The following ZNF804B variants were observed in gnomAD, a reference collection of about 807,000 sequenced individuals.
ZNF804B encodes the protein zinc finger protein 804B.
Under a neutral mutation model 101.4 loss-of-function variants are expected in ZNF804B, and 80 were observed. That is an observed-to-expected ratio of 0.79 (90% CI 0.66 to 0.95). The LOEUF (loss-of-function observed/expected upper bound fraction) is 0.95. ZNF804B is among the 40% of genes least tolerant of loss of function. The pLI is 0.00. For missense variants in ZNF804B, 1,673 were observed against 1,561.9 expected, an observed-to-expected ratio of 1.07 and a Z score of -1.20; for synonymous variants, 622 against 558.8, an observed-to-expected ratio of 1.11 and a Z score of -1.59.
At chr7:88,880,677 A>C in intron 1 of ZNF804B, among the ~76,000 whole-genome samples, 1 of 152,162 alleles carries the variant, frequency 6.6e-6, no homozygotes, top group East Asian at 1.9e-4. Flanking sequence ...AAGGGAAGAC[A>C]CTGGGCAGGA....
At chr7:89,019,928 TATA>T (rs1289790267) in intron 1 of ZNF804B, among the ~76,000 whole-genome samples, 1 of 151,956 alleles carries the variant, frequency 6.6e-6, no homozygotes, top group Non-Finnish European at 1.5e-5. Flanking sequence ...ATTGTGGAAA[TATA>T]ATCAATTTAT....
chr7:89,276,169 C>T (rs1023595274), intron 2 of ZNF804B, among the ~76,000 whole-genome samples: 3 of 151,626 alleles, frequency 2.0e-5, no homozygotes, highest in South Asian at 4.2e-4. Context: ...TGGCCTGTGG[C>T]AAGGGTGTGA....
At chr7:89,216,231 C>G (rs1172284111) in intron 1 of ZNF804B, among the ~76,000 whole-genome samples, 2 of 151,868 alleles carry the variant, frequency 1.3e-5, no homozygotes, top group African/African-American at 4.8e-5. Flanking sequence ...CGCTTGAACT[C>G]CGGGAGGGGG....
intron 1 of ZNF804B, among the ~76,000 whole-genome samples, chr7:89,007,482 ATATG>A (rs1308564232): frequency 1.4e-5 from 1 of 72,424 alleles, no homozygotes; most frequent in African/African-American, 5.9e-5. Context: ...ATATATATAT[ATATG>A]TCAACCTAAT....
chr7:88,872,462 GTTTTA>G (rs1251888665), intron 1 of ZNF804B, among the ~76,000 whole-genome samples: 1 of 151,798 alleles, frequency 6.6e-6, no homozygotes, highest in Non-Finnish European at 1.5e-5. Context: ...TTTTCTTTAT[GTTTTA>G]TTTTATTTAT....
intron 1 of ZNF804B, among the ~76,000 whole-genome samples, chr7:89,033,436 T>C (rs1355801029): frequency 2.6e-5 from 4 of 152,168 alleles, no homozygotes; most frequent in Non-Finnish European, 4.4e-5. Context: ...GGTGCAGTCA[T>C]CATTTGACCA....
At chr7:88,882,133 T>G (rs1288618381) in intron 1 of ZNF804B, among the ~76,000 whole-genome samples, 1 of 152,118 alleles carries the variant, frequency 6.6e-6, no homozygotes, top group Non-Finnish European at 1.5e-5. Context: ...CCTCACTTAG[T>G]GTTTAAGATT....
At chr7:88,829,334 C>G (rs1791097722) in intron 1 of ZNF804B, among the ~76,000 whole-genome samples, 1 of 151,870 alleles carries the variant, frequency 6.6e-6, no homozygotes, top group African/African-American at 2.4e-5. Context: ...ATTAATTCTC[C>G]CAAAGCCACA....
intron 2 of ZNF804B, among the ~76,000 whole-genome samples, chr7:89,259,313 G>T (rs1789678354): frequency 6.6e-6 from 1 of 152,094 alleles, no homozygotes; most frequent in Admixed American, 6.6e-5. Context: ...TGTTGTGGTT[G>T]ATTTAGTTTT....
In ZNF804B at chr7:88,854,463, CTTT is replaced by C. The variant is rs1791511170; in HGVS notation, c.108+94380_108+94382del. On this transcript the variant is annotated intron_variant, in intron 1 of 3. Transcript: ENST00000333190. ...TCTTTCTTTCTTTCTTTCTTTCTTT[CTTT>C]CTTTCTTTCTCTTTCCTTTCCTTTC... Among the ~76,000 whole-genome samples, 5 of 104,532 alleles carry C rather than the reference CTTT, an allele frequency of 4.8e-5. 1 individual carries two copies. The highest frequency in any genetic ancestry group is 1.1e-4 in the Admixed American group (1 of 9,270). 68.6% of individuals were successfully genotyped at this position (104,532 alleles called of 152,430 possible).
At chr7:88,950,487 G>GACAA (rs929323849) in intron 1 of ZNF804B, among the ~76,000 whole-genome samples, 1 of 151,622 alleles carries the variant, frequency 6.6e-6, no homozygotes, top group African/African-American at 2.4e-5. Context: ...CATGAAAACA[G>GACAA]ATTATTTATT....
chr7:89,070,944 G>A (rs2116297195), intron 1 of ZNF804B, among the ~76,000 whole-genome samples: 1 of 152,078 alleles, frequency 6.6e-6, no homozygotes, highest in African/African-American at 2.4e-5. Flanking sequence ...TGGAGGAGTG[G>A]GGGATTGATT....
chr7:89,146,681 G>A (rs947477744), intron 1 of ZNF804B, among the ~76,000 whole-genome samples: 40 of 151,896 alleles, frequency 2.6e-4, no homozygotes, highest in Non-Finnish European at 4.9e-4. Context: ...TGGCTCAGTC[G>A]AATTAGGATA....
At chr7:89,004,587 A>G (rs1330871787) in intron 1 of ZNF804B, among the ~76,000 whole-genome samples, 2 of 151,910 alleles carry the variant, frequency 1.3e-5, no homozygotes, top group African/African-American at 4.8e-5. Context: ...GCATGCAGGT[A>G]ACCATGACTA....
intron 1 of ZNF804B, among the ~76,000 whole-genome samples, chr7:89,089,908 A>G (rs1789856914): frequency 6.6e-6 from 1 of 152,086 alleles, no homozygotes; most frequent in South Asian, 2.1e-4. Flanking sequence ...ACTGATATAT[A>G]AGGTGAAGAA....
At position 88,854,410 on chromosome 7, in the gene ZNF804B, T is replaced by TTTCTTTCTTTCTTC. The variant is rs1562812535; in HGVS notation, c.108+94326_108+94327insTTCTTTCTTTCTTC. On this transcript the variant is annotated intron_variant, in intron 1 of 3. Coordinates refer to ENST00000333190, the MANE Select transcript of ZNF804B (RefSeq NM_181646.5). ...GCATTTCTTTCTTTCTTTCTTTCTTTCTTCCTTTCTTTCTTTCTTTCTTTC... is the reference window on the plus strand; with the variant it reads ...GCATTTCTTTCTTTCTTTCTTTCTTTTTCTTTCTTTCTTCCTTCCTTTCTTTCTTTCTTTCTTTC... Among the ~76,000 whole-genome samples the TTTCTTTCTTTCTTC allele has an allele frequency of 5.0e-4, 67 of 132,684 alleles. 1 individual carries two copies. Among genetic ancestry groups the TTTCTTTCTTTCTTC allele is most frequent in the Middle Eastern group, 7.8e-3 (2 of 258 alleles). 87.0% of individuals were successfully genotyped at this position (132,684 alleles called of 152,430 possible).
At chr7:88,843,608 G>A (rs1791320741) in intron 1 of ZNF804B, among the ~76,000 whole-genome samples, 2 of 151,952 alleles carry the variant, frequency 1.3e-5, no homozygotes, top group Non-Finnish European at 2.9e-5. Flanking sequence ...ATGGTGGCAG[G>A]TGCCTGTAGT....
chr7:89,007,446 T>TTTTA (rs1457924197), intron 1 of ZNF804B, among the ~76,000 whole-genome samples: 6 of 57,202 alleles, frequency 1.0e-4, no homozygotes, highest in African/African-American at 1.9e-4. Flanking sequence ...ATCCATGATT[T>TTTTA]TATATATATA....
chr7:88,874,398 C>T (rs987199428), intron 1 of ZNF804B, among the ~76,000 whole-genome samples: 2 of 151,498 alleles, frequency 1.3e-5, no homozygotes, highest in South Asian at 4.2e-4. Flanking sequence ...TCTAGATATA[C>T]AATCATGTCG....
Sources: gnomAD v4.1 joint callset for allele counts (sites outside exome capture counted in the v4.1 genomes callset) on GRCh38, gnomAD v4.1.1 for gene constraint, MANE v1.5 for transcripts, NCBI Gene and HGNC (gene_info 2026-07-23, HGNC 2026-07-21) for gene names.